Variants in BCL11A observed in about 807,000 individuals in gnomAD.
The protein encoded by BCL11A is BCL11 transcription factor A.
A neutral mutation model predicts 55.9 loss-of-function variants in BCL11A; 2 were observed. The observed-to-expected ratio is 0.04, with a 90% CI of 0.01 to 0.11. The LOEUF (loss-of-function observed/expected upper bound fraction) is 0.11. Among genes scored for constraint, BCL11A ranks in the 10% least tolerant of loss-of-function variants. The pLI is 1.00. For missense variants in BCL11A, 817 were observed against 1,137.1 expected, an observed-to-expected ratio of 0.72 and a Z score of 4.05; for synonymous variants, 465 against 473.4, an observed-to-expected ratio of 0.98 and a Z score of 0.23.
chr2:60,451,952 G>A (rs1675740716), exon 5 of BCL11A: 2 of 228,756 alleles, frequency 8.7e-6, no homozygotes, highest in African/African-American at 4.4e-5. Flanking sequence ...TTATTCCCAA[G>A]TTTTGCATTT....
chr2:60,491,846 C>G (rs1266116536), intron 2 of BCL11A, among the ~76,000 whole-genome samples: 1 of 152,270 alleles, frequency 6.6e-6, no homozygotes, highest in East Asian at 1.9e-4. Context: ...ATGTTAAGAA[C>G]CCAAATCCAT....
chr2:60,530,663 T>G (rs1290517486), intron 2 of BCL11A, among the ~76,000 whole-genome samples: 1 of 144,578 alleles, frequency 6.9e-6, no homozygotes, highest in Non-Finnish European at 1.6e-5. Context: ...TGATGTACAG[T>G]CAGCAGGTAT....
chr2:60,497,262 C>A (rs1679003902), intron 2 of BCL11A, among the ~76,000 whole-genome samples: 1 of 152,240 alleles, frequency 6.6e-6, no homozygotes, highest in South Asian at 2.1e-4. Context: ...AGGAATACCA[C>A]TGTGCATCCT....
chr2:60,500,245 G>A (rs1297346424), intron 2 of BCL11A, among the ~76,000 whole-genome samples: 4 of 152,204 alleles, frequency 2.6e-5, no homozygotes, highest in African/African-American at 9.6e-5. Context: ...GAGAGCGGTG[G>A]TCTTGAGAGT....
chr2:60,452,403 A>G (rs1029495296), downstream of BCL11A: 3 of 559,236 alleles, frequency 5.4e-6, no homozygotes, highest in African/African-American at 5.7e-5. Context: ...AAAAATATAA[A>G]TAAAATGGCG....
At chr2:60,477,881 A>G (rs547801126) in intron 2 of BCL11A, among the ~76,000 whole-genome samples, 5 of 152,212 alleles carry the variant, frequency 3.3e-5, no homozygotes, top group Non-Finnish European at 7.4e-5. Flanking sequence ...CCCAAGGCCA[A>G]CAAGCCCAGA....
intron 2 of BCL11A, among the ~76,000 whole-genome samples, chr2:60,498,335 C>T (rs1333011581): frequency 6.6e-6 from 1 of 151,952 alleles, no homozygotes; most frequent in Non-Finnish European, 1.5e-5. Context: ...ACAGGACATG[C>T]AGCAGTGTGT....
At chr2:60,530,900 C>T (rs920626141) in intron 2 of BCL11A, among the ~76,000 whole-genome samples, 6 of 152,238 alleles carry the variant, frequency 3.9e-5, no homozygotes, top group Admixed American at 3.3e-4. Flanking sequence ...ATTATGTCTG[C>T]GCTTTTCCCT....
At chr2:60,473,203 T>C (rs960877650) in intron 2 of BCL11A, among the ~76,000 whole-genome samples, 22 of 151,926 alleles carry the variant, frequency 1.4e-4, no homozygotes, top group African/African-American at 5.3e-4. Flanking sequence ...TGAATGTGTG[T>C]ATATTTCCTA....
Position 60,460,779 on chromosome 2 carries a change from C to G in BCL11A, c.2133G>C (p.Ser711=). 6.8e-6 allele frequency: 11 copies of G among 1,613,346 alleles called. No homozygotes were observed. Among genetic ancestry groups the G allele is most frequent in the Non-Finnish European group, 9.3e-6 (11 of 1,180,038 alleles). The change falls in exon 4 of 4, where the codon TCG becomes TCC. Residue 711 remains serine (S), a synonymous_variant. Transcript: ENST00000642384. ...CTCCACTTCCCGTGCCGCTGCGCCCCGAGATCCCTCCGTCCAGCTCCCCGG... is the reference window on the plus strand; with the variant it reads ...CTCCACTTCCCGTGCCGCTGCGCCCGGAGATCCCTCCGTCCAGCTCCCCGG... ...TPPGELDGGI[S]GRSGTGSGGS... is the part of the protein sequence containing the mutation.
intron 2 of BCL11A, chr2:60,545,695 G>A (rs1391330680): frequency 7.5e-6 from 3 of 402,120 alleles, no homozygotes; most frequent in African/African-American, 6.1e-5. Flanking sequence ...TGGGGATGGG[G>A]AAGAAAAGAA....
intron 2 of BCL11A, among the ~76,000 whole-genome samples, chr2:60,485,001 A>G (rs1270725626): frequency 6.6e-6 from 1 of 151,854 alleles, no homozygotes; most frequent in Admixed American, 6.6e-5. Flanking sequence ...CAAACAAAAA[A>G]CAGTATTTAA....
At chr2:60,533,900 C>A (rs902869441) in intron 2 of BCL11A, 2 of 152,232 alleles carry the variant, frequency 1.3e-5, no homozygotes, top group East Asian at 3.8e-4. Context: ...CACGGTAGGG[C>A]AGTGCTAGGT....
chr2:60,550,205 C>A (rs1226851460), intron 1 of BCL11A, among the ~76,000 whole-genome samples: 2 of 152,180 alleles, frequency 1.3e-5, no homozygotes, highest in Admixed American at 1.3e-4. Flanking sequence ...AAATGCCGGC[C>A]CCGAAAGAAA....
At chr2:60,547,610 C>T (rs1399970542) in intron 1 of BCL11A, among the ~76,000 whole-genome samples, 2 of 152,024 alleles carry the variant, frequency 1.3e-5, no homozygotes, top group African/African-American at 4.8e-5. Flanking sequence ...GTTAATCAGT[C>T]TGACCTTCTT....
chr2:60,544,894 T>C (rs919381932), intron 2 of BCL11A: 2 of 152,218 alleles, frequency 1.3e-5, no homozygotes, highest in African/African-American at 4.8e-5. Context: ...TTACTGTTTA[T>C]CACTTAGAGA....
At chr2:60,539,937 G>A (rs978597084) in intron 2 of BCL11A, among the ~76,000 whole-genome samples, 1 of 152,114 alleles carries the variant, frequency 6.6e-6, no homozygotes, top group Non-Finnish European at 1.5e-5. Flanking sequence ...TACCTAGGTA[G>A]GAGAAAAGAA....
chr2:60,487,125 A>G lies in BCL11A; in HGVS notation c.386-18292T>C, dbSNP rs561867381. On this transcript the variant is annotated intron_variant, in intron 2 of 3. Coordinates refer to ENST00000642384, the MANE Select transcript of BCL11A (RefSeq NM_022893.4). ...AGGCAGGAAGGGGAAGGATAGTGCA[A>G]CACCCCTAAGTGTGTGAAGTTCTAA... 2.6e-5 allele frequency among the ~76,000 whole-genome samples: 4 copies of G among 152,362 alleles called. No individual in the cohort carries two copies. The East Asian group carries it at 7.7e-4, about 29-fold the overall frequency.
At chr2:60,526,501 A>G (rs1282168358) in intron 2 of BCL11A, 1 of 152,214 alleles carries the variant, frequency 6.6e-6, no homozygotes, top group Non-Finnish European at 1.5e-5. Flanking sequence ...TCCGCAAAAT[A>G]AAAATGTGTC....
Sources: gnomAD v4.1 joint callset for allele counts (sites outside exome capture counted in the v4.1 genomes callset) on GRCh38, gnomAD v4.1.1 for gene constraint, MANE v1.5 for transcripts, NCBI Gene and HGNC (gene_info 2026-07-23, HGNC 2026-07-21) for gene names.